RGPD4: variants seen among roughly 807,000 people sequenced by gnomAD.
RGPD4 encodes ranBP2-like and GRIP domain-containing protein 4.
A neutral mutation model predicts 141.1 loss-of-function variants in RGPD4; 84 were observed. That is an observed-to-expected ratio of 0.60 (90% CI 0.50 to 0.71). The LOEUF is 0.71. Among genes scored for constraint, RGPD4 ranks in the 30% least tolerant of loss-of-function variants. The pLI is 0.00. For missense variants in RGPD4, 918 were observed against 1,622.4 expected (o/e 0.57, Z 7.46); for synonymous variants, 298 against 566.8 (o/e 0.53, Z 6.74).
rs972917350 is a variant in RGPD4, at chr2:107,826,907, C to G, written c.-107C>G. 2.0e-5 allele frequency: 31 copies of G among 1,543,832 alleles called. No homozygotes were observed. The African/African-American group carries it at 3.2e-4, about 16-fold the overall frequency. The stretch of plus-strand genomic sequence containing the variant: ...CAAGTTCGTCACAGTGGTCCTCCGC[C>G]GGCTACGCGGAGTCAGTGGCTTTCA... On this transcript the variant is annotated 5_prime_UTR_variant, in exon 1 of 23. Transcript: ENST00000408999.
chr2:107,836,492 A>C, intron 1 of RGPD4, 110 bp from the exon 2 acceptor site: 2 of 1,041,252 alleles, frequency 1.9e-6, no homozygotes, highest in South Asian at 3.2e-5. Context: ...TTTTAAGTGA[A>C]TGAAAATGGC....
intron 22 of RGPD4, among the ~76,000 whole-genome samples, chr2:107,886,692 T>C: frequency 6.6e-6 from 1 of 152,080 alleles, no homozygotes; most frequent in Non-Finnish European, 1.5e-5. Context: ...TACCAAGGCC[T>C]TGAAAATAAT....
intron 21 of RGPD4, among the ~76,000 whole-genome samples, chr2:107,880,486 A>G (rs141299655): frequency 0.041 from 6,215 of 151,470 alleles, 559 homozygotes; most frequent in African/African-American, 0.14. Flanking sequence ...GATGGTCTCG[A>G]TCTCCTGACC....
intron 6 of RGPD4, among the ~76,000 whole-genome samples, chr2:107,844,174 CAA>C (rs1223143172): frequency 6.6e-6 from 1 of 151,814 alleles, no homozygotes; most frequent in Non-Finnish European, 1.5e-5. Context: ...AGCTAAGAAA[CAA>C]AATAACTCAA....
rs1371137026 is a variant in RGPD4, at chr2:107,872,762, T to C, written c.4758T>C (p.Ser1586=). 1 of 1,611,520 alleles carries C rather than the reference T, an allele frequency of 6.2e-7. No homozygotes were observed. The highest frequency in any genetic ancestry group is 1.7e-5 in the Admixed American group (1 of 59,968). Residue 1586 remains serine, a synonymous_variant, in exon 20 of 23, where the codon AGT becomes AGC. Transcript: ENST00000408999. ...ASLKSNNSET[S]SVAQSGSESK... ...TGAAAAGTAACAACAGTGAAACTAG[T>C]TCAGTAGCCCAGAGTGGATCTGAAA...
At chr2:107,857,117 G>A (rs1682349098) in intron 9 of RGPD4, 148 bp downstream of exon 9, 2 of 258,176 alleles carry the variant, frequency 7.7e-6, no homozygotes, top group Admixed American at 1.2e-4. Context: ...GTGGTGCTGT[G>A]GGGGTGGCAT....
chr2:107,830,502 G>T (rs1303053017), intron 1 of RGPD4, among the ~76,000 whole-genome samples: 1 of 152,140 alleles, frequency 6.6e-6, no homozygotes, highest in East Asian at 1.9e-4. Context: ...GCAACATTTT[G>T]ACGATTGGTT....
In RGPD4 at chr2:107,859,846, G is replaced by A. The variant is rs756574099; in HGVS notation, c.1758+1G>A. On this transcript the variant is annotated splice_donor_variant, in intron 12 of 22. Coordinates refer to ENST00000408999, the MANE Select transcript of RGPD4 (RefSeq NM_182588.3). LOFTEE classifies it high-confidence loss of function. ...TTGGGCAAAATGCCTTCAGAAAATG[G>A]TGAGTTTTAAAGTATAAGCATTTTA... 54 of 1,597,250 alleles carry A rather than the reference G, an allele frequency of 3.4e-5. 1 individual carries two copies. Among genetic ancestry groups the A allele is most frequent in the Non-Finnish European group, 9.3e-6 (11 of 1,176,690 alleles).
intron 22 of RGPD4, 141 bp from the exon 23 acceptor site, chr2:107,890,580 C>G (rs1314215567): frequency 1.1e-5 from 3 of 269,668 alleles, no homozygotes; most frequent in Admixed American, 6.3e-5. Flanking sequence ...AAAAGAACCC[C>G]CCCCCCCCAA....
chr2:107,889,018 A>G (rs1490732472), intron 22 of RGPD4, among the ~76,000 whole-genome samples: 1 of 143,038 alleles, frequency 7.0e-6, no homozygotes, highest in Non-Finnish European at 1.5e-5. Flanking sequence ...ACACGCAGAT[A>G]AAACCAGACA....
chr2:107,873,181 T>C (rs1682992190), intron 20 of RGPD4, among the ~76,000 whole-genome samples: 1 of 56,098 alleles, frequency 1.8e-5, no homozygotes, highest in Non-Finnish European at 3.5e-5. Flanking sequence ...AAGAACTTGG[T>C]ACAGTGTACG....
At chr2:107,886,778 G>A (rs1005397545) in intron 22 of RGPD4, among the ~76,000 whole-genome samples, 15 of 151,984 alleles carry the variant, frequency 9.9e-5, no homozygotes, top group African/African-American at 2.7e-4. Context: ...AGGAAACAGG[G>A]CCCATCAGAG....
chr2:107,832,441 TTTTG>T (rs1201428647), intron 1 of RGPD4, among the ~76,000 whole-genome samples: 2 of 150,386 alleles, frequency 1.3e-5, no homozygotes, highest in Non-Finnish European at 3.0e-5. Context: ...TGAGAGGTTT[TTTTG>T]TTTGTTTTTG....
At position 107,870,683 on chromosome 2, in the gene RGPD4, T is replaced by C. The variant is rs1205496208; in HGVS notation, c.2701-22T>C. On this transcript the variant is annotated intron_variant, in intron 19 of 22. Transcript: ENST00000408999. ...ATTTTGGGCATGTGGATCAAGAAAA[T>C]TCACCTTCATTTATGTTTCAGGGTT... The C allele has an allele frequency of 3.8e-6, 6 of 1,571,252 alleles. No individual in the cohort carries two copies. The East Asian group carries it at 1.3e-4, about 35-fold the overall frequency.
At chr2:107,873,599 A>T (rs77758978) in intron 20 of RGPD4, among the ~76,000 whole-genome samples, 29,152 of 141,222 alleles carry the variant, frequency 0.21, 3,220 homozygotes, top group Middle Eastern at 0.27. Flanking sequence ...AAAAAAAAAA[A>T]ATATGATATT....
intron 20 of RGPD4, among the ~76,000 whole-genome samples, chr2:107,874,725 T>C (rs1475617453): frequency 6.7e-6 from 1 of 150,156 alleles, no homozygotes; most frequent in Non-Finnish European, 1.5e-5. Context: ...AATCTGATAA[T>C]GTCATTGTCC....
intron 1 of RGPD4, among the ~76,000 whole-genome samples, chr2:107,834,427 A>G (rs1386068196): frequency 6.6e-6 from 1 of 151,888 alleles, no homozygotes; most frequent in African/African-American, 2.4e-5. Context: ...AATTGCAAAC[A>G]GTTCTGAATA....
intron 1 of RGPD4, among the ~76,000 whole-genome samples, chr2:107,830,453 C>G (rs1187853081): frequency 3.3e-5 from 5 of 151,830 alleles, no homozygotes; most frequent in Non-Finnish European, 7.4e-5. Context: ...AATGTTCTTT[C>G]AACTGCATAA....
chr2:107,865,532 G>A (rs1397766845), intron 17 of RGPD4, among the ~76,000 whole-genome samples: 2 of 150,152 alleles, frequency 1.3e-5, no homozygotes, highest in Non-Finnish European at 3.0e-5. Flanking sequence ...GTAGGTACTT[G>A]TTTTTTTGAG....
Sources: allele counts gnomAD v4.1 joint callset (sites outside exome capture counted in the v4.1 genomes callset), GRCh38; gene constraint gnomAD v4.1.1; transcripts MANE v1.5; gene names NCBI Gene and HGNC (gene_info 2026-07-23, HGNC 2026-07-21).